The following SLC20A2 variants were observed in gnomAD, a reference collection of about 807,000 sequenced individuals.
The protein encoded by SLC20A2 is sodium-dependent phosphate transporter 2.
SLC20A2 carries 30 observed loss-of-function variants against 61.0 expected under a neutral mutation model. That is an observed-to-expected ratio of 0.49 (90% CI 0.37 to 0.67). The LOEUF (loss-of-function observed/expected upper bound fraction) is 0.67. SLC20A2 is among the 30% of genes least tolerant of loss of function. The pLI, the probability that SLC20A2 is intolerant of heterozygous loss-of-function variation, is 0.00. For synonymous variants in SLC20A2, 351 were observed against 353.3 expected (o/e 0.99, Z 0.07); for missense variants, 626 against 866.4 (o/e 0.72, Z 3.48).
intron 10 of SLC20A2, among the ~76,000 whole-genome samples, chr8:42,420,141 G>A (rs1257280956): frequency 2.0e-5 from 3 of 150,974 alleles, no homozygotes; most frequent in African/African-American, 7.3e-5. Context: ...AGCCGAGATG[G>A]CACCACTGCA....
At chr8:42,460,735 G>C (rs1048703311) in intron 4 of SLC20A2, among the ~76,000 whole-genome samples, 2 of 152,150 alleles carry the variant, frequency 1.3e-5, no homozygotes, top group African/African-American at 4.8e-5. Context: ...ACATCTAAGA[G>C]AATATGAGGC....
intron 1 of SLC20A2, among the ~76,000 whole-genome samples, chr8:42,525,781 T>C (rs1020497655): frequency 2.6e-5 from 4 of 151,986 alleles, no homozygotes; most frequent in African/African-American, 9.7e-5. Context: ...CATGCAGATA[T>C]TTAAAAAATT....
chr8:42,511,190 G>A (rs1301645447), intron 1 of SLC20A2, among the ~76,000 whole-genome samples: 2 of 152,210 alleles, frequency 1.3e-5, no homozygotes, highest in Admixed American at 6.5e-5. Flanking sequence ...AGAGGCACTT[G>A]AAGGGCAGAT....
intron 10 of SLC20A2, among the ~76,000 whole-genome samples, chr8:42,425,559 A>C (rs1344663764): frequency 6.6e-6 from 1 of 152,208 alleles, no homozygotes; most frequent in Non-Finnish European, 1.5e-5. Context: ...CTCTGTCCTT[A>C]GTGCTCACAG....
At chr8:42,511,885 A>T (rs1027975088) in intron 1 of SLC20A2, among the ~76,000 whole-genome samples, 1 of 152,090 alleles carries the variant, frequency 6.6e-6, no homozygotes, top group Non-Finnish European at 1.5e-5. Context: ...AACCCCACCA[A>T]AAAAACCATA....
chr8:42,474,961 C>T (rs1807948345), intron 1 of SLC20A2, among the ~76,000 whole-genome samples: 1 of 151,806 alleles, frequency 6.6e-6, no homozygotes, highest in African/African-American at 2.4e-5. Context: ...CCAGATGGTT[C>T]TCATGGTGGG....
intron 1 of SLC20A2, among the ~76,000 whole-genome samples, chr8:42,539,228 T>A (rs1274946236): frequency 6.6e-6 from 1 of 152,204 alleles, no homozygotes; most frequent in East Asian, 1.9e-4. Context: ...AGTTCCAGCA[T>A]GCTTTTTTAA....
chr8:42,427,320 T>C (rs78533608), intron 10 of SLC20A2, among the ~76,000 whole-genome samples: 258 of 152,302 alleles, frequency 1.7e-3, no homozygotes, highest in African/African-American at 5.9e-3. Context: ...GGCACCACAA[T>C]GGTGCTGATG....
intron 2 of SLC20A2, among the ~76,000 whole-genome samples, chr8:42,467,466 C>CTT (rs1250776748): frequency 6.6e-6 from 1 of 152,208 alleles, no homozygotes; most frequent in African/African-American, 2.4e-5. Flanking sequence ...AAGGGCCTGG[C>CTT]TGATAAGCTG....
chr8:42,436,853 C>T (rs1317663806), intron 8 of SLC20A2, 136 bp downstream of exon 8: 1 of 753,138 alleles, frequency 1.3e-6, no homozygotes, highest in African/African-American at 1.8e-5. Flanking sequence ...ATGGGTCTGT[C>T]CACCGCCTGC....
intron 1 of SLC20A2, among the ~76,000 whole-genome samples, chr8:42,519,838 A>T (rs889442188): frequency 2.0e-5 from 3 of 152,066 alleles, no homozygotes; most frequent in African/African-American, 7.2e-5. Flanking sequence ...CCTCACTCTG[A>T]TAATTTATCA....
At chr8:42,449,850 T>C (rs1296062005) in intron 5 of SLC20A2, among the ~76,000 whole-genome samples, 1 of 152,188 alleles carries the variant, frequency 6.6e-6, no homozygotes, top group Non-Finnish European at 1.5e-5. Context: ...ATGTCGAACA[T>C]TTATTTTTCT....
Position 42,472,260 on chromosome 8 carries a change from A to G in SLC20A2, c.131T>C (p.Leu44Ser), listed in dbSNP as rs1807703449. Residue 44 changes from leucine (L) to serine (S), a missense_variant, in exon 2 of 11, where the codon TTG (leucine) becomes TCG (serine). By Grantham distance (145) the Leu-to-Ser change is moderately radical (BLOSUM62 -2). This residue lies in a region of SLC20A2 where 127 missense variants were observed against 215.4 expected (regional missense o/e 0.59). Coordinates refer to ENST00000520262, the MANE Select transcript of SLC20A2 (RefSeq NM_001257180.2). The surrounding 1 kb of genome is among the most constrained non-coding windows in gnomAD (Gnocchi z 4.1). ...TGAAGCTAAAATGCATGCCTGCCTCAAGGTCACCACACCAGAGCCCACGGC... is the reference window on the plus strand; with the variant it reads ...TGAAGCTAAAATGCATGCCTGCCTCGAGGTCACCACACCAGAGCCCACGGC... ...GTAVGSGVVT[L>S]RQACILASIF... is the part of the protein sequence containing the mutation. 1 of 1,614,058 alleles carries G rather than the reference A, an allele frequency of 6.2e-7. No individual in the cohort carries two copies. Among genetic ancestry groups the G allele is most frequent in the Non-Finnish European group, 8.5e-7 (1 of 1,180,046 alleles).
chr8:42,481,975 C>T (rs1209510224), intron 1 of SLC20A2, among the ~76,000 whole-genome samples: 2 of 152,158 alleles, frequency 1.3e-5, no homozygotes, highest in African/African-American at 4.8e-5. Flanking sequence ...CAGCCTCTTA[C>T]TCTCTGGGAA....
intron 1 of SLC20A2, among the ~76,000 whole-genome samples, chr8:42,533,654 C>CTTTTTTTCATTTTTTTTTTTTT: frequency 1.8e-5 from 1 of 55,298 alleles, no homozygotes; most frequent in Admixed American, 2.1e-4. Flanking sequence ...ATCAACTGTT[C>CTTTTTTTCATTTTTTTTTTTTT]TTTTTTTTTT....
chr8:42,505,317 C>T (rs778057801), upstream of SLC20A2, among the ~76,000 whole-genome samples: 25 of 152,026 alleles, frequency 1.6e-4, no homozygotes, highest in Non-Finnish European at 1.9e-4. Context: ...CTATGTTGCC[C>T]TGGCTGGTCT....
chr8:42,430,628 T>G (rs952268025), intron 8 of SLC20A2, among the ~76,000 whole-genome samples: 4 of 152,168 alleles, frequency 2.6e-5, no homozygotes, highest in African/African-American at 9.7e-5. Context: ...CCCAAAGTGT[T>G]GGGATTACAG....
intron 6 of SLC20A2, among the ~76,000 whole-genome samples, chr8:42,442,758 A>C (rs529941368): frequency 6.6e-6 from 1 of 152,224 alleles, no homozygotes; most frequent in Non-Finnish European, 1.5e-5. Flanking sequence ...TAAATTGTCT[A>C]AAGTCTAGAG....
intron 10 of SLC20A2, among the ~76,000 whole-genome samples, chr8:42,421,662 G>C (rs1199058249): frequency 6.6e-6 from 1 of 152,052 alleles, no homozygotes; most frequent in African/African-American, 2.4e-5. Context: ...AAATTAGCTG[G>C]GTGTGGTGCT....
Sources: gnomAD v4.1 joint callset for allele counts (sites outside exome capture counted in the v4.1 genomes callset) on GRCh38, gnomAD v4.1.1 for gene constraint, gnomAD v4.1.1 regional missense constraint, Gnocchi (gnomAD v3.1) non-coding constraint, MANE v1.5 for transcripts, NCBI Gene and HGNC (gene_info 2026-07-23, HGNC 2026-07-21) for gene names.